Variants in DNAH6 observed in about 807,000 individuals in gnomAD.
DNAH6 encodes axonemal beta dynein heavy chain 6.
DNAH6 carries 340 observed loss-of-function variants against 491.4 expected under a neutral mutation model. The observed-to-expected ratio is 0.69, with a 90% CI of 0.63 to 0.76. The LOEUF (loss-of-function observed/expected upper bound fraction) is 0.76, where lower values mean the gene tolerates loss of function less well. DNAH6 is among the 30% of genes least tolerant of loss of function. DNAH6 has a pLI of 0.00. For synonymous variants in DNAH6, 1,603 were observed against 1,686.1 expected, an observed-to-expected ratio of 0.95 and a Z score of 1.21; for missense variants, 4,443 against 4,972.2, an observed-to-expected ratio of 0.89 and a Z score of 3.20.
In DNAH6 at chr2:84,640,551, C is replaced by T. The variant is rs1002731120; in HGVS notation, c.4943C>T (p.Ala1648Val). 2 of 1,550,666 alleles carry T rather than the reference C, an allele frequency of 1.3e-6. No individual in the cohort carries two copies. The highest frequency in any genetic ancestry group is 2.4e-5 in the East Asian group (1 of 40,902). The change falls in exon 32 of 77, where the codon GCT becomes GTT. Residue 1648 changes from alanine to valine, a missense_variant. Physicochemically the swap from Ala to Val is moderately conservative, Grantham distance 64 (BLOSUM62 0). Around this residue, in one of 3 missense-constraint regions of DNAH6, gnomAD observed 2,977 missense variants for 3,296.6 expected, o/e 0.90. Transcript: ENST00000389394. ...QQDHYDFGMR[A>V]VKSVLVMAGS... ...GATCACTACGACTTTGGCATGAGAGCTGTGAAGTCTGTCCTGGTCATGGCT... is the reference window on the plus strand; with the variant it reads ...GATCACTACGACTTTGGCATGAGAGTTGTGAAGTCTGTCCTGGTCATGGCT...
intron 10 of DNAH6, among the ~76,000 whole-genome samples, chr2:84,557,368 C>T (rs988926893): frequency 2.0e-5 from 3 of 151,892 alleles, no homozygotes; most frequent in Non-Finnish European, 4.4e-5. Flanking sequence ...ATTTATAGGC[C>T]GGGCGCGGTG....
chr2:84,507,712 A>G, the DNAH6 span, among the ~76,000 whole-genome samples: 23 of 152,178 alleles, frequency 1.5e-4, no homozygotes, highest in Admixed American at 3.3e-4. Context: ...TTTGTCATAG[A>G]TAGCTCTTAT....
In DNAH6 at chr2:84,585,654, C is replaced by T. The variant is rs536755831; in HGVS notation, c.2481+1404C>T. 3.9e-5 allele frequency among the ~76,000 whole-genome samples: 6 copies of T among 152,136 alleles called. No individual in the cohort carries two copies. In the East Asian group the frequency reaches 9.7e-4, roughly 25 times the overall value. On this transcript the variant is annotated intron_variant, in intron 15 of 76. Coordinates refer to ENST00000389394, the MANE Select transcript of DNAH6 (RefSeq NM_001370.2). ...CTGCAGCTGGTTTTCCCGATGTATG[C>T]CCAGCTCCTAGCAGAGAGGAGACCC...
At chr2:84,485,930 T>A in the DNAH6 span, among the ~76,000 whole-genome samples, 1 of 151,638 alleles carries the variant, frequency 6.6e-6, no homozygotes, top group South Asian at 2.1e-4. Context: ...CTAAATTGAT[T>A]CCCATGCTTT....
rs375491584 is a variant in DNAH6, at chr2:84,606,953, A to G, written c.3175-23A>G. 5.8e-6 allele frequency: 9 copies of G among 1,546,338 alleles called. 1 individual carries two copies. In the East Asian group the frequency reaches 7.3e-5, roughly 13 times the overall value. ...AGCACAAATACTGGGTGCTGCATGTATTTTCTTCCCCTTCCTTTAAAGGTC... is the reference window on the plus strand; with the variant it reads ...AGCACAAATACTGGGTGCTGCATGTGTTTTCTTCCCCTTCCTTTAAAGGTC... On this transcript the variant is annotated intron_variant, in intron 20 of 76. Coordinates refer to ENST00000389394, the MANE Select transcript of DNAH6 (RefSeq NM_001370.2).
At chr2:84,515,209 T>A (rs1396787551), upstream of DNAH6, among the ~76,000 whole-genome samples, 2 of 152,240 alleles carry the variant, frequency 1.3e-5, no homozygotes, top group Non-Finnish European at 2.9e-5. Context: ...GTATTTTTCA[T>A]CTCTGGGGAA....
rs754568598 is a variant in DNAH6 at position 84,577,356 on chromosome 2, A to G, written c.2024A>G (p.Asp675Gly). 6.2e-7 allele frequency: 1 copy of G among 1,611,918 alleles called. No homozygotes were observed. Among genetic ancestry groups the G allele is most frequent in the Non-Finnish European group, 8.5e-7 (1 of 1,178,892 alleles). Residue 675 changes from aspartate to glycine, a missense_variant, in exon 13 of 77, where the codon GAT (aspartate) becomes GGT (glycine). Physicochemically the swap from Asp to Gly is moderately conservative, Grantham distance 94. Around this residue, in one of 3 missense-constraint regions of DNAH6, gnomAD observed 2,977 missense variants for 3,296.6 expected, o/e 0.90. Transcript: ENST00000389394. ...PTRNVGLLLI[D>G]TRLLREKLIP... ...AGAAATGTAGGATTGCTGCTCATTGATACTAGGCTTCTAAGAGAAAAATTA... is the reference window on the plus strand; with the variant it reads ...AGAAATGTAGGATTGCTGCTCATTGGTACTAGGCTTCTAAGAGAAAAATTA...
chr2:84,525,774 T>C (rs1676553575), intron 3 of DNAH6, 36 bp downstream of exon 3: 3 of 1,461,794 alleles, frequency 2.1e-6, no homozygotes, highest in African/African-American at 2.9e-5. Context: ...TTCTTTTAAC[T>C]TAATTTTGTT....
chr2:84,475,684 C>T, the DNAH6 span, among the ~76,000 whole-genome samples: 1 of 152,116 alleles, frequency 6.6e-6, no homozygotes, highest in Non-Finnish European at 1.5e-5. Context: ...TCTCAGGGGT[C>T]TAATAGCAGT....
At chr2:84,543,257 G>GA (rs1267723198) in intron 4 of DNAH6, among the ~76,000 whole-genome samples, 3 of 152,136 alleles carry the variant, frequency 2.0e-5, no homozygotes, top group Non-Finnish European at 2.9e-5. Flanking sequence ...GAAAGCCGTG[G>GA]AAAATAGCTG....
intron 22 of DNAH6, among the ~76,000 whole-genome samples, chr2:84,613,254 A>G (rs1356783128): frequency 1.3e-5 from 2 of 152,036 alleles, no homozygotes; most frequent in African/African-American, 2.4e-5. Flanking sequence ...CAAAGGGAGC[A>G]TTGTTAAAGG....
At position 84,619,910 on chromosome 2, in the gene DNAH6, G is replaced by T; in HGVS notation, c.3792+6G>T. 6.5e-7 allele frequency: 1 copy of T among 1,546,774 alleles called. No homozygotes were observed. The highest frequency in any genetic ancestry group is 8.7e-7 in the Non-Finnish European group (1 of 1,143,142). ...TGTCACCAGAGGGAGAAAGGGTGAG[G>T]TGCTTTTATTTATATTTCTTTATTG... On this transcript the variant is annotated splice_donor_region_variant and intron_variant, in intron 24 of 76. Transcript: ENST00000389394.
chr2:84,560,324 G>A (rs1255706844), intron 11 of DNAH6, among the ~76,000 whole-genome samples: 3 of 151,644 alleles, frequency 2.0e-5, no homozygotes, highest in Non-Finnish European at 2.9e-5. Flanking sequence ...AACAACATAC[G>A]AAGTAAGGCA....
intron 22 of DNAH6, 24 bp downstream of exon 22, chr2:84,611,878 G>A (rs1229078659): frequency 3.9e-6 from 6 of 1,539,356 alleles, no homozygotes; most frequent in South Asian, 3.7e-5. Flanking sequence ...TTCCAAACAA[G>A]CAAAAAGACT....
rs575000424 is a variant in DNAH6, at chr2:84,600,416, T to A, written c.2869-3923T>A. 3.3e-5 allele frequency among the ~76,000 whole-genome samples: 5 copies of A among 152,232 alleles called. 1 individual carries two copies. Among genetic ancestry groups the A allele is most frequent in the African/African-American group, 1.2e-4 (5 of 41,552 alleles). On this transcript the variant is annotated intron_variant, in intron 18 of 76. Coordinates refer to ENST00000389394, the MANE Select transcript of DNAH6 (RefSeq NM_001370.2). ...CCATGCTTTATCTGAGTTTTTTTAG[T>A]TTTTACCTAACATCCTTTTCTTTTT...
chr2:84,781,657 T>C lies in DNAH6; in HGVS notation c.10864+4T>C. The C allele has an allele frequency of 6.4e-7, 1 of 1,550,800 alleles. No individual in the cohort carries two copies. Among genetic ancestry groups the C allele is most frequent in the Non-Finnish European group, 8.7e-7 (1 of 1,146,214 alleles). On this transcript the variant is annotated splice_donor_region_variant and intron_variant, in intron 65 of 76. Transcript: ENST00000389394. ...ATTAAAACCTTCACAGATCCAGGTA[T>C]GTTGAGCATATAGCCCTTGCATAAT...
intron 37 of DNAH6, among the ~76,000 whole-genome samples, chr2:84,662,282 C>T (rs1240058834): frequency 6.6e-6 from 1 of 151,938 alleles, no homozygotes; most frequent in African/African-American, 2.4e-5. Flanking sequence ...ACAGTGGCTG[C>T]ACCCCATGGA....
chr2:84,494,463 A>T, the DNAH6 span, among the ~76,000 whole-genome samples: 1 of 152,192 alleles, frequency 6.6e-6, no homozygotes, highest in Non-Finnish European at 1.5e-5. Flanking sequence ...CAGTCCCAAG[A>T]GCCATTTTTA....
chr2:84,573,306 G>T (rs751277994), intron 11 of DNAH6, among the ~76,000 whole-genome samples, 161 bp from the exon 12 acceptor site: 11 of 151,922 alleles, frequency 7.2e-5, no homozygotes, highest in African/African-American at 2.7e-4. Context: ...ATTACTCCTC[G>T]ACATCAAGAA....
Sources: allele counts gnomAD v4.1 joint callset (sites outside exome capture counted in the v4.1 genomes callset), GRCh38; gene constraint gnomAD v4.1.1; regional missense constraint gnomAD v4.1.1; transcripts MANE v1.5; gene names NCBI Gene and HGNC (gene_info 2026-07-23, HGNC 2026-07-21).